RIMS1: variants seen among roughly 807,000 people sequenced by gnomAD.
The protein encoded by RIMS1 is regulating synaptic membrane exocytosis protein 1.
RIMS1 carries 83 observed loss-of-function variants against 214.1 expected under a neutral mutation model. The ratio of observed to expected loss-of-function variants is 0.39; its 90% CI spans 0.32 to 0.47. The LOEUF is 0.47. RIMS1 is among the 20% of genes least tolerant of loss of function. The pLI is 0.99. For missense variants in RIMS1, 2,050 were observed against 2,161.8 expected, an observed-to-expected ratio of 0.95 and a Z score of 1.03; for synonymous variants, 793 against 786.8, an observed-to-expected ratio of 1.01 and a Z score of -0.13.
At chr6:72,005,397 A>G (rs1290334539) in intron 2 of RIMS1, among the ~76,000 whole-genome samples, 2 of 152,142 alleles carry the variant, frequency 1.3e-5, no homozygotes, top group African/African-American at 2.4e-5. Flanking sequence ...GTTTTTTCCA[A>G]TTCTGTGAAG....
At chr6:72,319,569 G>A (rs748239957) in intron 28 of RIMS1, among the ~76,000 whole-genome samples, 14 of 152,266 alleles carry the variant, frequency 9.2e-5, no homozygotes, top group South Asian at 4.1e-4. Context: ...TGACTCAGAT[G>A]TGAATCTTTG....
intron 8 of RIMS1, among the ~76,000 whole-genome samples, chr6:72,237,025 C>A (rs751561018): frequency 6.6e-6 from 1 of 151,846 alleles, no homozygotes; most frequent in Admixed American, 6.6e-5. Context: ...ATAGCGAGAC[C>A]CCTTCTCTAC....
intron 2 of RIMS1, among the ~76,000 whole-genome samples, chr6:72,018,305 A>C (rs1813415712): frequency 6.6e-6 from 1 of 152,174 alleles, no homozygotes; most frequent in African/African-American, 2.4e-5. Flanking sequence ...AGTCAAGAAT[A>C]ATTAAGTTTT....
rs939416041 is a variant in RIMS1, at chr6:72,361,823, C to T, written c.4366+27988C>T. Among the ~76,000 whole-genome samples the T allele has an allele frequency of 3.3e-5, 5 of 152,198 alleles. No homozygotes were observed. The South Asian group carries it at 1.0e-3, about 32-fold the overall frequency. Reference sequence around the variant, plus strand: ...TATAAAGACTCTTGTGATTATACTGCCTTCACTCAGATAATCCAGGATAAC... The same window carrying T: ...TATAAAGACTCTTGTGATTATACTGTCTTCACTCAGATAATCCAGGATAAC... On this transcript the variant is annotated intron_variant, in intron 29 of 33. Coordinates refer to ENST00000521978, the MANE Select transcript of RIMS1 (RefSeq NM_014989.7).
intron 4 of RIMS1, among the ~76,000 whole-genome samples, chr6:72,176,119 T>C (rs1240201515): frequency 6.6e-6 from 1 of 152,138 alleles, no homozygotes; most frequent in Non-Finnish European, 1.5e-5. Context: ...ATCTGTAAAT[T>C]GTTAAGATAA....
At chr6:71,955,797 G>A (rs1308076828) in intron 1 of RIMS1, among the ~76,000 whole-genome samples, 1 of 152,008 alleles carries the variant, frequency 6.6e-6, no homozygotes, top group African/African-American at 2.4e-5. Flanking sequence ...AATTTTTATT[G>A]TTAGGGAAAG....
At position 72,179,847 on chromosome 6, in the gene RIMS1, G is replaced by C. The variant is rs751517177; in HGVS notation, c.744G>C (p.Ser248=). The C allele has an allele frequency of 6.2e-6, 10 of 1,608,026 alleles. No individual in the cohort carries two copies. The highest frequency in any genetic ancestry group is 8.5e-6 in the Non-Finnish European group (10 of 1,176,552). Residue 248 remains serine, a synonymous_variant, in exon 5 of 34, where the codon TCG becomes TCC. Coordinates refer to ENST00000521978, the MANE Select transcript of RIMS1 (RefSeq NM_014989.7). ...PPDRSKGAEP[S]QQALGPEQKQ... Reference sequence around the variant, plus strand: ...ACAGGAGCAAAGGGGCTGAGCCCTCGCAGCAAGCCTTGGGGCCTGAACAGA... The same window carrying C: ...ACAGGAGCAAAGGGGCTGAGCCCTCCCAGCAAGCCTTGGGGCCTGAACAGA...
At chr6:72,275,136 A>ACT (rs2085579228) in intron 23 of RIMS1, among the ~76,000 whole-genome samples, 5 of 1,716 alleles carry the variant, frequency 2.9e-3, no homozygotes, top group African/African-American at 0.017. Context: ...ATATATATAT[A>ACT]TATATATATA....
chr6:72,100,742 G>A (rs1006669762), intron 4 of RIMS1, among the ~76,000 whole-genome samples: 1 of 151,884 alleles, frequency 6.6e-6, no homozygotes, highest in African/African-American at 2.4e-5. Context: ...CTACCAATAT[G>A]AGAATGAGAC....
intron 28 of RIMS1, among the ~76,000 whole-genome samples, chr6:72,324,392 T>C (rs1237116798): frequency 6.6e-6 from 1 of 151,946 alleles, no homozygotes; most frequent in African/African-American, 2.4e-5. Flanking sequence ...AGTGCATATT[T>C]TAATCTTTAG....
At chr6:72,077,527 G>A (rs1278425156) in intron 2 of RIMS1, among the ~76,000 whole-genome samples, 1 of 152,220 alleles carries the variant, frequency 6.6e-6, no homozygotes, top group African/African-American at 2.4e-5. Flanking sequence ...CGGGATGTAA[G>A]AGACAAAACC....
chr6:72,370,444 C>T (rs561877922), intron 29 of RIMS1, among the ~76,000 whole-genome samples: 9 of 152,186 alleles, frequency 5.9e-5, no homozygotes, highest in Non-Finnish European at 1.3e-4. Context: ...ATTTAACTTT[C>T]AAATTATAGT....
chr6:72,290,610 C>A, intron 24 of RIMS1, 69 bp from the exon 25 acceptor site: 1 of 1,392,306 alleles, frequency 7.2e-7, no homozygotes, highest in Non-Finnish European at 9.9e-7. Flanking sequence ...TTTCCTTGGA[C>A]AAATGTGTTG....
At chr6:72,074,903 A>G (rs117955662) in intron 2 of RIMS1, among the ~76,000 whole-genome samples, 2,286 of 152,296 alleles carry the variant, frequency 0.015, 33 homozygotes, top group Non-Finnish European at 0.024. Context: ...TAATTAATGG[A>G]AGCTGTGCAA....
At chr6:72,102,524 A>T (rs1200197253) in intron 4 of RIMS1, among the ~76,000 whole-genome samples, 3 of 152,012 alleles carry the variant, frequency 2.0e-5, no homozygotes, top group Non-Finnish European at 4.4e-5. Context: ...GTTTTTCGTA[A>T]CTGTCCATTG....
intron 4 of RIMS1, among the ~76,000 whole-genome samples, chr6:72,123,069 G>A (rs1351462985): frequency 6.6e-6 from 1 of 151,802 alleles, no homozygotes; most frequent in Non-Finnish European, 1.5e-5. Context: ...ATGTTAGGGT[G>A]TCAATTGTAG....
intron 28 of RIMS1, among the ~76,000 whole-genome samples, chr6:72,328,482 C>A (rs2096556866): frequency 6.6e-6 from 1 of 151,508 alleles, no homozygotes; most frequent in Non-Finnish European, 1.5e-5. Context: ...CTTATGTACC[C>A]CATAAATATA....
chr6:72,251,469 A>C (rs2073287151), intron 15 of RIMS1, 101 bp downstream of exon 15: 1 of 955,138 alleles, frequency 1.0e-6, no homozygotes, highest in African/African-American at 1.7e-5. Context: ...TTTATTAGAG[A>C]TCAAAATACT....
At chr6:72,200,437 C>G (rs1193254201) in intron 6 of RIMS1, among the ~76,000 whole-genome samples, 1 of 152,154 alleles carries the variant, frequency 6.6e-6, no homozygotes, top group Non-Finnish European at 1.5e-5. Context: ...TTTCAGAGAC[C>G]TCTACCTCCA....
Sources: allele counts gnomAD v4.1 joint callset (sites outside exome capture counted in the v4.1 genomes callset), GRCh38; gene constraint gnomAD v4.1.1; transcripts MANE v1.5; gene names NCBI Gene and HGNC (gene_info 2026-07-23, HGNC 2026-07-21).